MILR1: variants seen among roughly 807,000 people sequenced by gnomAD.
MILR1 encodes mast cell immunoglobulin like receptor 1.
MILR1 carries 31 observed loss-of-function variants against 18.5 expected under a neutral mutation model. That is an observed-to-expected ratio of 1.68 (90% CI 1.26 to 2.26). MILR1 has a LOEUF of 2.26. Among genes scored for constraint, MILR1 ranks in the 30% most tolerant of loss-of-function variants. MILR1 has a pLI of 0.00. For missense variants in MILR1, 257 were observed against 157.4 expected, an observed-to-expected ratio of 1.63 and a Z score of -3.38; for synonymous variants, 85 against 56.2, an observed-to-expected ratio of 1.51 and a Z score of -2.30.
chr17:64,468,402 C>T lies in MILR1; in HGVS notation c.*121C>T, dbSNP rs2037630105. The stretch of plus-strand genomic sequence containing the variant: ...CTTCCCAGTTCAAGCGATTCTCATG[C>T]CTCGACCTCCCGAGTAGCTGGGATT... On this transcript the variant is annotated 3_prime_UTR_variant, in exon 10 of 10. Transcript: ENST00000619286. 2 of 424,464 alleles carry T rather than the reference C, an allele frequency of 4.7e-6. No homozygotes were observed. The highest frequency in any genetic ancestry group is 1.7e-5 in the South Asian group (1 of 58,910). The allele number at this position is 424,464 out of a possible 1,614,324, so 26.3% of individuals were successfully genotyped here. A position where few individuals can be genotyped will look rare whatever the true frequency, so the allele number is the denominator to read the frequency against.
Position 64,465,703 on chromosome 17 carries a change from T to G in MILR1, c.853+162T>G, listed in dbSNP as rs184882425. On this transcript the variant is annotated intron_variant, in intron 6 of 9. Coordinates refer to ENST00000619286, the MANE Select transcript of MILR1 (RefSeq NM_001085423.2). ...TTTCTAGGGGTAATAACCAGTTTTT[T>G]AAATCCTTCCACAGATATTCTGTGT... Among the ~76,000 whole-genome samples, 154 of 152,336 alleles carry G rather than the reference T, an allele frequency of 1.0e-3. 3 individuals are homozygous for G. The highest frequency in any genetic ancestry group is 8.0e-3 in the Admixed American group (123 of 15,300).
At chr17:64,456,026 G>A (rs2037292723) in intron 3 of MILR1, among the ~76,000 whole-genome samples, 1 of 152,092 alleles carries the variant, frequency 6.6e-6, no homozygotes, top group African/African-American at 2.4e-5. Flanking sequence ...GGGTGACAGA[G>A]TGAGACTCCG....
chr17:64,483,503 G>C, the MILR1 span, among the ~76,000 whole-genome samples: 2 of 143,196 alleles, frequency 1.4e-5, no homozygotes, highest in African/African-American at 5.6e-5. Context: ...GACAGAGTGA[G>C]ATCCTGTCTC....
downstream of MILR1, among the ~76,000 whole-genome samples, chr17:64,472,173 T>C (rs1230374864): frequency 1.3e-5 from 2 of 152,000 alleles, no homozygotes; most frequent in African/African-American, 4.8e-5. Flanking sequence ...TTAGAAATCA[T>C]AAACTAAATC....
At chr17:64,472,562 A>G (rs2037706904), downstream of MILR1, among the ~76,000 whole-genome samples, 1 of 151,072 alleles carries the variant, frequency 6.6e-6, no homozygotes, top group Non-Finnish European at 1.5e-5. Flanking sequence ...CATGGACCAA[A>G]TATAAAATGG....
chr17:64,490,096 TG>T, the MILR1 span, among the ~76,000 whole-genome samples: 1 of 152,152 alleles, frequency 6.6e-6, no homozygotes, highest in African/African-American at 2.4e-5. Flanking sequence ...AGCTAATTTT[TG>T]TATTTTTAGT....
chr17:64,461,423 A>G (rs1448545214), intron 5 of MILR1, among the ~76,000 whole-genome samples: 1 of 151,634 alleles, frequency 6.6e-6, no homozygotes, highest in Non-Finnish European at 1.5e-5. Context: ...AATTTTTTGT[A>G]TTTTTAGTAG....
the MILR1 span, among the ~76,000 whole-genome samples, chr17:64,479,298 C>T: frequency 1.3e-5 from 2 of 151,780 alleles, no homozygotes; most frequent in Non-Finnish European, 2.9e-5. Flanking sequence ...ATTCTCCTGC[C>T]TCAGCCTCCC....
the MILR1 span, among the ~76,000 whole-genome samples, chr17:64,488,721 C>T: frequency 6.6e-6 from 1 of 152,092 alleles, no homozygotes; most frequent in East Asian, 1.9e-4. Flanking sequence ...AAATGTTCAC[C>T]AGTTAATAAG....
At chr17:64,456,768 C>T (rs2037310184) in intron 3 of MILR1, among the ~76,000 whole-genome samples, 3 of 152,052 alleles carry the variant, frequency 2.0e-5, no homozygotes, top group East Asian at 3.9e-4. Flanking sequence ...TGCCACTTCA[C>T]TCCAGCATGG....
intron 4 of MILR1, among the ~76,000 whole-genome samples, chr17:64,460,295 G>A (rs2037404042): frequency 6.6e-6 from 1 of 151,962 alleles, no homozygotes; most frequent in Non-Finnish European, 1.5e-5. Context: ...CAGAGTGCTA[G>A]GATTACAGGT....
intron 8 of MILR1, 125 bp downstream of exon 8, chr17:64,466,787 A>G: frequency 1.3e-6 from 1 of 775,862 alleles, no homozygotes; most frequent in Non-Finnish European, 2.1e-6. Context: ...GGCACACTGC[A>G]AGGAACCAAT....
chr17:64,450,002 A>C (rs1406346538), intron 2 of MILR1, among the ~76,000 whole-genome samples: 1 of 150,774 alleles, frequency 6.6e-6, no homozygotes, highest in Non-Finnish European at 1.5e-5. Flanking sequence ...TCAGTGGTGC[A>C]ATCTCGGCTC....
intron 4 of MILR1, among the ~76,000 whole-genome samples, chr17:64,458,459 C>T (rs1202837361): frequency 6.6e-6 from 1 of 151,882 alleles, no homozygotes; most frequent in Non-Finnish European, 1.5e-5. Flanking sequence ...GCGATCTGCC[C>T]ACCTCGGCCT....
intron 5 of MILR1, among the ~76,000 whole-genome samples, chr17:64,464,568 T>C: frequency 6.6e-6 from 1 of 150,686 alleles, no homozygotes; most frequent in South Asian, 2.1e-4. Context: ...AAAAACATGT[T>C]TCTCCTTCTT....
downstream of MILR1, among the ~76,000 whole-genome samples, chr17:64,470,170 T>C (rs2037666039): frequency 6.6e-6 from 1 of 152,224 alleles, no homozygotes; most frequent in Admixed American, 6.5e-5. Context: ...TTCGGCTCAC[T>C]GCAACCTCTG....
At chr17:64,469,905 G>A (rs782068907), downstream of MILR1, among the ~76,000 whole-genome samples, 75 of 152,310 alleles carry the variant, frequency 4.9e-4, 1 homozygote, top group Middle Eastern at 3.4e-3. Flanking sequence ...AGCTATAGGG[G>A]AGACAAGGAT....
At chr17:64,465,117 A>G (rs1386039563) in intron 5 of MILR1, among the ~76,000 whole-genome samples, 3 of 152,176 alleles carry the variant, frequency 2.0e-5, no homozygotes, top group Non-Finnish European at 4.4e-5. Flanking sequence ...TCAATAGGCC[A>G]TTTACACTCT....
At chr17:64,455,109 G>A (rs2037260254) in intron 3 of MILR1, among the ~76,000 whole-genome samples, 1 of 152,198 alleles carries the variant, frequency 6.6e-6, no homozygotes, top group Non-Finnish European at 1.5e-5. Context: ...ACTGGAATAC[G>A]ATGGATATGT....
Sources: gnomAD v4.1 joint callset for allele counts (sites outside exome capture counted in the v4.1 genomes callset) on GRCh38, gnomAD v4.1.1 for gene constraint, MANE v1.5 for transcripts, NCBI Gene and HGNC (gene_info 2026-07-23, HGNC 2026-07-21) for gene names.